RREB1: variants seen among roughly 807,000 people sequenced by gnomAD.
The protein encoded by RREB1 is ras responsive element binding protein 1, also known as ras-responsive element-binding protein 1.
RREB1 carries 27 observed loss-of-function variants against 117.8 expected under a neutral mutation model. The ratio of observed to expected loss-of-function variants is 0.23; its 90% CI spans 0.17 to 0.32. The LOEUF (loss-of-function observed/expected upper bound fraction) is 0.32. RREB1 is among the 10% of genes least tolerant of loss of function. The pLI, the probability that RREB1 is intolerant of heterozygous loss-of-function variation, is 1.00. For missense variants in RREB1, 2,577 were observed against 2,378.2 expected, an observed-to-expected ratio of 1.08 and a Z score of -1.74; for synonymous variants, 1,298 against 1,026.7, an observed-to-expected ratio of 1.26 and a Z score of -5.05.
chr6:7,173,475 A>G (rs1171933913), intron 1 of RREB1, among the ~76,000 whole-genome samples: 1 of 151,858 alleles, frequency 6.6e-6, no homozygotes, highest in African/African-American at 2.4e-5. Flanking sequence ...CCTGGGCGAC[A>G]GAATGAGACT....
intron 5 of RREB1, chr6:7,187,815 G>T (rs951878205): frequency 1.2e-5 from 2 of 172,780 alleles, no homozygotes; most frequent in African/African-American, 4.7e-5. Flanking sequence ...GTTATGAAAT[G>T]ACTTTTGTAT....
At chr6:7,136,821 G>T (rs182931316) in intron 1 of RREB1, among the ~76,000 whole-genome samples, 55 of 152,318 alleles carry the variant, frequency 3.6e-4, no homozygotes, top group African/African-American at 1.3e-3. Context: ...CAGGTGGCTT[G>T]TGAAAGCCCG....
intron 12 of RREB1, 82 bp from the exon 13 acceptor site, chr6:7,248,429 C>T (rs1334315677): frequency 2.4e-6 from 3 of 1,225,754 alleles, no homozygotes; most frequent in African/African-American, 1.5e-5. Flanking sequence ...AGCCTGGGAG[C>T]CTCATTCTTC....
In RREB1 at chr6:7,246,623, G is replaced by A. The variant is rs1489584290; in HGVS notation, c.4173G>A (p.Glu1391=). 2 of 1,567,526 alleles carry A rather than the reference G, an allele frequency of 1.3e-6. No homozygotes were observed. The highest frequency in any genetic ancestry group is 1.9e-5 in the Admixed American group (1 of 53,256). ...GGCGTGGGGAGAGCCATGAGCCGGA[G>A]GAGGAGCATGGCACTGAGGAGAGCA... ...EHGRGESHEP[E]EEHGTEESTG... Residue 1391 remains glutamate (E), a synonymous_variant, in exon 12 of 13, where the codon GAG becomes GAA. Coordinates refer to ENST00000379938, the MANE Select transcript of RREB1 (RefSeq NM_001003699.4).
chr6:7,192,220 T>G (rs1359376405), intron 6 of RREB1, among the ~76,000 whole-genome samples: 2 of 150,272 alleles, frequency 1.3e-5, no homozygotes, highest in Non-Finnish European at 3.0e-5. Flanking sequence ...TGAGATAGAG[T>G]CTCATTCTTT....
chr6:7,165,625 AT>A (rs1763894592), intron 1 of RREB1, among the ~76,000 whole-genome samples: 1 of 152,094 alleles, frequency 6.6e-6, no homozygotes, highest in Non-Finnish European at 1.5e-5. Flanking sequence ...TGCTACAGAG[AT>A]TTTCCCTGTT....
At position 7,229,920 on chromosome 6, in the gene RREB1, G is replaced by T. The variant is rs1427732486; in HGVS notation, c.1821G>T (p.Pro607=). The T allele has an allele frequency of 1.9e-6, 3 of 1,599,040 alleles. No homozygotes were observed. The highest frequency in any genetic ancestry group is 1.3e-5 in the African/African-American group (1 of 74,704). The change falls in exon 10 of 13, where the codon CCG becomes CCT. Residue 607 remains proline, a synonymous_variant. Coordinates refer to ENST00000379938, the MANE Select transcript of RREB1 (RefSeq NM_001003699.4). This position sits in a 1 kb window ranked among gnomAD's most constrained non-coding sequence, Gnocchi z 4.5. ...ACAGCATCATCGAGGCCCTGCTGCC[G>T]CTGAGCATGGAGGCCAAGATCAAGC... ...EQDSIIEALL[P]LSMEAKIKQE... is the part of the protein sequence containing the mutation.
At chr6:7,142,765 CTT>C (rs771810379) in intron 1 of RREB1, among the ~76,000 whole-genome samples, 139 of 152,242 alleles carry the variant, frequency 9.1e-4, no homozygotes, top group Non-Finnish European at 1.7e-3. Flanking sequence ...AGTTCAGTGA[CTT>C]TACGTGGCAC....
rs765564156 is a variant in RREB1, at chr6:7,230,456, G to A, written c.2357G>A (p.Gly786Asp). The A allele has an allele frequency of 9.4e-6, 15 of 1,593,474 alleles. No homozygotes were observed. Among genetic ancestry groups the A allele is most frequent in the Non-Finnish European group, 1.2e-5 (14 of 1,176,590 alleles). The change falls in exon 10 of 13, where the codon GGC becomes GAC. Residue 786 changes from glycine (G) to aspartate (D), a missense_variant. Physicochemically the swap from Gly to Asp is moderately conservative, Grantham distance 94. Coordinates refer to ENST00000379938, the MANE Select transcript of RREB1 (RefSeq NM_001003699.4). ...CGCGGCCTGGGCGGGGGCCACAAGG[G>A]CCGCAAGCCCTTCGAGTGCAAGGAG... ...CGRGLGGGHK[G>D]RKPFECKECS...
intron 1 of RREB1, among the ~76,000 whole-genome samples, chr6:7,149,608 A>G (rs1197833150): frequency 6.6e-6 from 1 of 152,244 alleles, no homozygotes; most frequent in Non-Finnish European, 1.5e-5. Context: ...TAGTGTCCAC[A>G]TGGCTTTTTG....
At chr6:7,113,373 G>T (rs1172352079) in intron 1 of RREB1, among the ~76,000 whole-genome samples, 1 of 152,188 alleles carries the variant, frequency 6.6e-6, no homozygotes, top group Non-Finnish European at 1.5e-5. Context: ...CTATGGGATA[G>T]AATTGTTATG....
chr6:7,167,819 A>G (rs1764024445), intron 1 of RREB1, among the ~76,000 whole-genome samples: 1 of 152,198 alleles, frequency 6.6e-6, no homozygotes, highest in Non-Finnish European at 1.5e-5. Context: ...CAATGTTTGT[A>G]AAGTATTTTA....
At chr6:7,117,459 G>A (rs1732401805) in intron 1 of RREB1, among the ~76,000 whole-genome samples, 1 of 132,812 alleles carries the variant, frequency 7.5e-6, no homozygotes, top group Non-Finnish European at 1.5e-5. Flanking sequence ...CACCGAGGCT[G>A]GAGTGCAATG....
At chr6:7,155,107 T>C (rs1763301253) in intron 1 of RREB1, among the ~76,000 whole-genome samples, 1 of 152,176 alleles carries the variant, frequency 6.6e-6, no homozygotes, top group African/African-American at 2.4e-5. Flanking sequence ...AGAAGAATAT[T>C]TTCTTCAGTT....
intron 1 of RREB1, among the ~76,000 whole-genome samples, chr6:7,120,398 G>A (rs1422062590): frequency 6.6e-6 from 1 of 152,120 alleles, no homozygotes; most frequent in African/African-American, 2.4e-5. Context: ...AGGCTGCAGC[G>A]AGCTGTGATT....
intron 1 of RREB1, among the ~76,000 whole-genome samples, chr6:7,155,056 G>T (rs1007089315): frequency 6.6e-6 from 1 of 152,190 alleles, no homozygotes; most frequent in Admixed American, 6.5e-5. Context: ...AAGGGGCCTA[G>T]TGGGAAGTGG....
chr6:7,231,130 C>T lies in RREB1; in HGVS notation c.3031C>T (p.Pro1011Ser), dbSNP rs1183647955. ...ACCCCCAGCACAGCCCCTGCAGGGC[C>T]CTGTTCAGCTGGCGGTCCCAATCTA... ...PEPPAQPLQGPVQLAVPIYSS... is the reference protein window; with the variant it reads ...PEPPAQPLQGSVQLAVPIYSS... Residue 1011 changes from proline (P) to serine (S), a missense_variant, in exon 10 of 13, where the codon CCT becomes TCT. By Grantham distance (74) the Pro-to-Ser change is moderately conservative. Transcript: ENST00000379938. 5.0e-6 allele frequency: 8 copies of T among 1,612,622 alleles called. No homozygotes were observed. Among genetic ancestry groups the T allele is most frequent in the East Asian group, 2.2e-5 (1 of 44,878 alleles).
intron 6 of RREB1, among the ~76,000 whole-genome samples, chr6:7,200,129 TTG>T (rs1485095206): frequency 6.6e-6 from 1 of 152,022 alleles, no homozygotes; most frequent in Non-Finnish European, 1.5e-5. Context: ...CCCTTTTACT[TTG>T]TGTTTTTTTC....
chr6:7,139,274 G>A (rs1219927247), intron 1 of RREB1: 1 of 152,176 alleles, frequency 6.6e-6, no homozygotes, highest in Non-Finnish European at 1.5e-5. Flanking sequence ...CCTGTTCTGG[G>A]TACAGTGTGT....
Sources: gnomAD v4.1 joint callset for allele counts (sites outside exome capture counted in the v4.1 genomes callset) on GRCh38, gnomAD v4.1.1 for gene constraint, Gnocchi (gnomAD v3.1) non-coding constraint, MANE v1.5 for transcripts, NCBI Gene and HGNC (gene_info 2026-07-23, HGNC 2026-07-21) for gene names.